CDKAL1: variants seen among roughly 807,000 people sequenced by gnomAD.
The protein encoded by CDKAL1 is CDKAL1 threonylcarbamoyladenosine tRNA methylthiotransferase.
Under a neutral mutation model 68.2 loss-of-function variants are expected in CDKAL1, and 32 were observed. The observed-to-expected ratio is 0.47, with a 90% CI of 0.35 to 0.63. CDKAL1 has a LOEUF of 0.63. Among genes scored for constraint, CDKAL1 ranks in the 30% least tolerant of loss-of-function variants. The pLI is 0.00. For missense variants in CDKAL1, 606 were observed against 696.7 expected (o/e 0.87, Z 1.47); for synonymous variants, 234 against 244.3 (o/e 0.96, Z 0.39).
At chr6:20,623,273 A>G (rs1304135063) in intron 4 of CDKAL1, among the ~76,000 whole-genome samples, 1 of 152,116 alleles carries the variant, frequency 6.6e-6, no homozygotes, top group Non-Finnish European at 1.5e-5. Context: ...AAGACTGGTA[A>G]TTTTTGAAAA....
intron 5 of CDKAL1, among the ~76,000 whole-genome samples, chr6:20,666,514 T>A (rs1769551180): frequency 6.6e-6 from 1 of 152,140 alleles, no homozygotes; most frequent in Non-Finnish European, 1.5e-5. Context: ...ATTTATTGCA[T>A]GATTATTTAT....
intron 9 of CDKAL1, among the ~76,000 whole-genome samples, chr6:20,913,337 A>G (rs1762561737): frequency 6.6e-6 from 1 of 152,174 alleles, no homozygotes; most frequent in African/African-American, 2.4e-5. Flanking sequence ...GGTTGTTGGT[A>G]GGATTCAGCT....
At chr6:20,955,288 T>C in intron 9 of CDKAL1, 131 bp from the exon 10 acceptor site, 1 of 874,068 alleles carries the variant, frequency 1.1e-6, no homozygotes. Flanking sequence ...AGCTGCTTTT[T>C]CTCTGCAATT....
At position 20,881,150 on chromosome 6, in the gene CDKAL1, C is replaced by G. The variant is rs577281380; in HGVS notation, c.742+34972C>G. 2.0e-4 allele frequency among the ~76,000 whole-genome samples: 31 copies of G among 152,336 alleles called. No individual in the cohort carries two copies. The South Asian group carries it at 6.4e-3, about 32-fold the overall frequency. On this transcript the variant is annotated intron_variant, in intron 9 of 15. Coordinates refer to ENST00000274695, the MANE Select transcript of CDKAL1 (RefSeq NM_017774.3). ...ATCTTGGTTCTCAAACATTAAGGAA[C>G]AGCACAGTCGCTTGGCTGGCTTATT...
chr6:21,166,818 C>T (rs903778910), intron 13 of CDKAL1, among the ~76,000 whole-genome samples: 3 of 152,026 alleles, frequency 2.0e-5, no homozygotes, highest in African/African-American at 7.2e-5. Context: ...CTCATTGTAC[C>T]CCACTCTGAC....
chr6:20,687,030 T>C (rs1770658687), intron 5 of CDKAL1, among the ~76,000 whole-genome samples: 1 of 152,214 alleles, frequency 6.6e-6, no homozygotes, highest in South Asian at 2.1e-4. Flanking sequence ...AGCCATGCAA[T>C]CAGAGGTAAA....
intron 9 of CDKAL1, among the ~76,000 whole-genome samples, chr6:20,954,076 TAGAC>T (rs1486684997): frequency 1.1e-4 from 16 of 152,132 alleles, no homozygotes; most frequent in African/African-American, 2.7e-4. Flanking sequence ...CTCAGAAAGA[TAGAC>T]AGGCAGGAAA....
At chr6:21,041,141 C>T (rs1035868211) in intron 11 of CDKAL1, among the ~76,000 whole-genome samples, 2 of 152,146 alleles carry the variant, frequency 1.3e-5, no homozygotes, top group African/African-American at 2.4e-5. Flanking sequence ...CGTCTGCAAT[C>T]AGATGCAAGT....
chr6:20,921,363 A>G (rs1207478283), intron 9 of CDKAL1, among the ~76,000 whole-genome samples: 1 of 152,168 alleles, frequency 6.6e-6, no homozygotes, highest in Non-Finnish European at 1.5e-5. Context: ...CAGGGTACAG[A>G]GGTTGCAGTG....
At chr6:20,851,627 A>G (rs1051212294) in intron 9 of CDKAL1, among the ~76,000 whole-genome samples, 1 of 152,174 alleles carries the variant, frequency 6.6e-6, no homozygotes, top group African/African-American at 2.4e-5. Context: ...GGTTATGGAA[A>G]GGTAAAATAA....
intron 4 of CDKAL1, among the ~76,000 whole-genome samples, chr6:20,552,764 G>A (rs1041641009): frequency 2.0e-5 from 3 of 151,968 alleles, no homozygotes; most frequent in Non-Finnish European, 4.4e-5. Flanking sequence ...AGCAGACTGT[G>A]GGAATACTTT....
intron 13 of CDKAL1, among the ~76,000 whole-genome samples, chr6:21,162,864 G>T (rs546000649): frequency 1.3e-5 from 2 of 152,246 alleles, no homozygotes; most frequent in Non-Finnish European, 1.5e-5. Flanking sequence ...GGAGTTTGAG[G>T]CTGTAGTGTG....
intron 10 of CDKAL1, among the ~76,000 whole-genome samples, chr6:20,972,349 T>C (rs1461991336): frequency 2.0e-5 from 3 of 152,182 alleles, no homozygotes; most frequent in African/African-American, 7.2e-5. Flanking sequence ...CAGTCACTCT[T>C]ATCACCCAGG....
intron 13 of CDKAL1, among the ~76,000 whole-genome samples, chr6:21,117,076 G>A (rs1002110787): frequency 2.0e-5 from 3 of 151,994 alleles, no homozygotes; most frequent in Non-Finnish European, 2.9e-5. Context: ...CTCTCTTGAC[G>A]ATGTCAGAGT....
intron 2 of CDKAL1, among the ~76,000 whole-genome samples, chr6:20,540,213 A>G (rs1478347018): frequency 6.7e-6 from 1 of 149,714 alleles, no homozygotes; most frequent in Non-Finnish European, 1.5e-5. Flanking sequence ...AGCTGGGGTT[A>G]CAGGCGCTCG....
chr6:20,841,827 T>G (rs1213101340), intron 8 of CDKAL1, among the ~76,000 whole-genome samples: 1 of 152,238 alleles, frequency 6.6e-6, no homozygotes, highest in Non-Finnish European at 1.5e-5. Flanking sequence ...CTCTCTGCTT[T>G]TGAGGGTTTT....
At chr6:20,568,698 G>A (rs1345737271) in intron 4 of CDKAL1, among the ~76,000 whole-genome samples, 1 of 142,596 alleles carries the variant, frequency 7.0e-6, no homozygotes, top group African/African-American at 2.6e-5. Context: ...TCGCGCCACT[G>A]CACTCCAGCC....
intron 10 of CDKAL1, among the ~76,000 whole-genome samples, chr6:20,986,506 A>G (rs1418603714): frequency 6.6e-6 from 1 of 152,094 alleles, no homozygotes; most frequent in Non-Finnish European, 1.5e-5. Context: ...TCATTACTTT[A>G]TGTGCACTAC....
intron 11 of CDKAL1, among the ~76,000 whole-genome samples, chr6:21,038,706 A>G (rs1345934942): frequency 6.6e-6 from 1 of 152,138 alleles, no homozygotes. Flanking sequence ...CTCATCAGCT[A>G]TCATTAGTTA....
Sources: allele counts gnomAD v4.1 joint callset (sites outside exome capture counted in the v4.1 genomes callset), GRCh38; gene constraint gnomAD v4.1.1; transcripts MANE v1.5; gene names NCBI Gene and HGNC (gene_info 2026-07-23, HGNC 2026-07-21).